The following ERC1 variants were observed in gnomAD, a reference collection of about 807,000 sequenced individuals.
The protein encoded by ERC1 is ELKS/RAB6-interacting/CAST family member 1, also known as RAB6 interacting protein 2.
In ERC1, 56 loss-of-function variants were observed where a neutral mutation model predicts 132.0. The observed-to-expected ratio is 0.42, with a 90% CI of 0.34 to 0.53. The LOEUF is 0.53. ERC1 is among the 20% of genes least tolerant of loss of function. The pLI is 0.03. For synonymous variants in ERC1, 478 were observed against 476.1 expected (o/e 1.00, Z -0.05); for missense variants, 1,202 against 1,349.9 (o/e 0.89, Z 1.72).
intron 2 of ERC1, among the ~76,000 whole-genome samples, chr12:1,079,092 A>G (rs2154186796): frequency 6.6e-6 from 1 of 151,554 alleles, no homozygotes; most frequent in African/African-American, 2.4e-5. Context: ...ATGATTTGTA[A>G]TATGACAAAA....
intron 15 of ERC1, among the ~76,000 whole-genome samples, chr12:1,304,681 C>G (rs1272702991): frequency 6.7e-6 from 1 of 148,820 alleles, no homozygotes; most frequent in Non-Finnish European, 1.5e-5. Context: ...AATTGGCATT[C>G]TGTTAGGAGA....
chr12:1,443,940 A>G (rs946139485), intron 17 of ERC1: 5 of 152,286 alleles, frequency 3.3e-5, no homozygotes, highest in African/African-American at 1.2e-4. Context: ...TTGGTGTTAT[A>G]TAGGGATTTA....
At chr12:1,380,889 TTAAA>T (rs1258376093) in intron 16 of ERC1, 2 of 152,190 alleles carry the variant, frequency 1.3e-5, no homozygotes, top group South Asian at 4.1e-4. Context: ...AAAGGGAAAA[TTAAA>T]TAGCAAGTAT....
rs573341282 is a variant in ERC1, at chr12:1,198,586, A to G, written c.2351+8534A>G. 1.1e-4 allele frequency among the ~76,000 whole-genome samples: 16 copies of G among 152,210 alleles called. No individual in the cohort carries two copies. The South Asian group carries it at 3.3e-3, about 32-fold the overall frequency. On this transcript the variant is annotated intron_variant, in intron 12 of 18. Coordinates refer to ENST00000360905, the MANE Select transcript of ERC1 (RefSeq NM_178040.4). ...TTGCTAACCATCTTTTCCATACCTC[A>G]TTGTATTAGTTCGTTCTCATGCTGC...
intron 18 of ERC1, among the ~76,000 whole-genome samples, chr12:1,476,561 A>G (rs1461432894): frequency 2.6e-5 from 4 of 152,236 alleles, no homozygotes; most frequent in African/African-American, 7.2e-5. Flanking sequence ...TTCACTACAG[A>G]TGGGAAGAAC....
At chr12:1,191,549 G>A (rs1955736269) in intron 12 of ERC1, among the ~76,000 whole-genome samples, 1 of 152,104 alleles carries the variant, frequency 6.6e-6, no homozygotes. Flanking sequence ...GCTATTTCAG[G>A]CAGCTTGCTT....
At chr12:1,249,715 A>G (rs2076358816) in intron 13 of ERC1, among the ~76,000 whole-genome samples, 2 of 152,202 alleles carry the variant, frequency 1.3e-5, no homozygotes, top group South Asian at 4.1e-4. Flanking sequence ...ATAGCGAAAT[A>G]CTGTAAACTG....
intron 8 of ERC1, among the ~76,000 whole-genome samples, chr12:1,142,720 A>T (rs1292246935): frequency 6.6e-6 from 1 of 152,220 alleles, no homozygotes; most frequent in Non-Finnish European, 1.5e-5. Context: ...CTTTCATTGT[A>T]AGTAAAGTCG....
intron 1 of ERC1, among the ~76,000 whole-genome samples, chr12:999,505 C>T (rs1038666073): frequency 6.6e-6 from 1 of 151,106 alleles, no homozygotes; most frequent in Non-Finnish European, 1.5e-5. Context: ...TTTACTATTG[C>T]TTTTTATTTT....
chr12:1,284,476 TGA>T (rs1159873066), intron 14 of ERC1, among the ~76,000 whole-genome samples: 1 of 152,202 alleles, frequency 6.6e-6, no homozygotes, highest in African/African-American at 2.4e-5. Flanking sequence ...TGCTGGATCA[TGA>T]GAGAGTTCTA....
intron 18 of ERC1, among the ~76,000 whole-genome samples, chr12:1,482,385 G>A (rs770391156): frequency 6.6e-6 from 1 of 151,342 alleles, no homozygotes; most frequent in Non-Finnish European, 1.5e-5. Flanking sequence ...ATTTGTGGCA[G>A]TTACTACACA....
chr12:1,263,143 C>T lies in ERC1; in HGVS notation c.2597C>T (p.Ala866Val), dbSNP rs778899186. 1.2e-6 allele frequency: 2 copies of T among 1,613,944 alleles called. No homozygotes were observed. The highest frequency in any genetic ancestry group is 1.7e-5 in the Admixed American group (1 of 60,020). ...ATGGTGCTAGCACAAGAGGAATCAGCCAGGACCAATGCTGAAAAACAGGTC... is the reference window on the plus strand; with the variant it reads ...ATGGTGCTAGCACAAGAGGAATCAGTCAGGACCAATGCTGAAAAACAGGTC... ...REMVLAQEES[A>V]RTNAEKQVEE... The change falls in exon 14 of 19, where the codon GCC (alanine) becomes GTC (valine). Residue 866 changes from alanine to valine, a missense_variant. Coordinates refer to ENST00000360905, the MANE Select transcript of ERC1 (RefSeq NM_178040.4).
intron 17 of ERC1, among the ~76,000 whole-genome samples, chr12:1,442,970 T>C (rs575297684): frequency 6.6e-6 from 1 of 151,760 alleles, no homozygotes. Context: ...TGCAGTGGTG[T>C]GATCTCGGCT....
chr12:1,413,101 T>C (rs971780577), intron 17 of ERC1, among the ~76,000 whole-genome samples: 1 of 152,200 alleles, frequency 6.6e-6, no homozygotes, highest in African/African-American at 2.4e-5. Flanking sequence ...TCATCTCCTA[T>C]ATGTTGAGGA....
intron 15 of ERC1, among the ~76,000 whole-genome samples, chr12:1,304,782 T>A (rs1342878137): frequency 2.0e-5 from 2 of 99,202 alleles, no homozygotes; most frequent in African/African-American, 1.1e-4. Flanking sequence ...TGTAACTCTT[T>A]TTTTTTTTTT....
chr12:1,492,985 C>A lies in ERC1; in HGVS notation c.*2755C>A. The A allele has an allele frequency of 4.4e-6, 1 of 226,598 alleles. No individual in the cohort carries two copies. Among genetic ancestry groups the A allele is most frequent in the Non-Finnish European group, 8.8e-6 (1 of 113,876 alleles). 14.0% of individuals were successfully genotyped at this position (226,598 alleles called of 1,614,324 possible). Reference sequence around the variant, plus strand: ...TGCCCTTAATTTTCCCCAAACCCCTCCATCGGCAAGTCTAGTTGCCCTTTA... The same window carrying A: ...TGCCCTTAATTTTCCCCAAACCCCTACATCGGCAAGTCTAGTTGCCCTTTA... On this transcript the variant is annotated 3_prime_UTR_variant, in exon 19 of 19. Transcript: ENST00000360905.
At chr12:1,201,430 A>G (rs895873424) in intron 12 of ERC1, among the ~76,000 whole-genome samples, 5 of 152,222 alleles carry the variant, frequency 3.3e-5, no homozygotes, top group Non-Finnish European at 7.3e-5. Context: ...TTATTTTGTC[A>G]TATATTTCAT....
At chr12:1,272,091 C>T (rs961854494) in intron 14 of ERC1, among the ~76,000 whole-genome samples, 1 of 152,158 alleles carries the variant, frequency 6.6e-6, no homozygotes. Flanking sequence ...AATTAGGCTC[C>T]CATCACTTAG....
chr12:1,241,073 A>G lies in ERC1; in HGVS notation c.2487+4169A>G, dbSNP rs546659373. Among the ~76,000 whole-genome samples the G allele has an allele frequency of 9.9e-5, 15 of 152,178 alleles. 1 individual carries two copies. Among genetic ancestry groups the G allele is most frequent in the Non-Finnish European group, 2.2e-4 (15 of 68,022 alleles). ...TTTCCTTTGGCTATTCCTCAGAGCA[A>G]ACTTACTCAAAGTATATGAAGTGTT... On this transcript the variant is annotated intron_variant, in intron 13 of 18. Transcript: ENST00000360905.
Sources: allele counts gnomAD v4.1 joint callset (sites outside exome capture counted in the v4.1 genomes callset), GRCh38; gene constraint gnomAD v4.1.1; transcripts MANE v1.5; gene names NCBI Gene and HGNC (gene_info 2026-07-23, HGNC 2026-07-21).